Variants in ANK2 observed in about 807,000 individuals in gnomAD.
The protein encoded by ANK2 is ankyrin 2, also known as ankyrin-2.
Under a neutral mutation model 360.5 loss-of-function variants are expected in ANK2, and 83 were observed. The ratio of observed to expected loss-of-function variants is 0.23; its 90% CI spans 0.19 to 0.28. The LOEUF (loss-of-function observed/expected upper bound fraction) is 0.28, where lower values mean the gene tolerates loss of function less well. Among genes scored for constraint, ANK2 ranks in the 10% least tolerant of loss-of-function variants. The pLI, the probability that ANK2 is intolerant of heterozygous loss-of-function variation, is 1.00. For missense variants in ANK2, 4,201 were observed against 4,795.7 expected (o/e 0.88, Z 3.66); for synonymous variants, 1,740 against 1,759.5 (o/e 0.99, Z 0.28).
chr4:113,237,680 A>G (rs2099394253), intron 7 of ANK2, 58 bp downstream of exon 7: 5 of 1,411,644 alleles, frequency 3.5e-6, no homozygotes, highest in Admixed American at 3.3e-5. Flanking sequence ...TTTTTGCCCA[A>G]TTGGAATAAA....
At chr4:112,792,072 G>A in the ANK2 span, among the ~76,000 whole-genome samples, 2 of 76,362 alleles carry the variant, frequency 2.6e-5, no homozygotes, top group Non-Finnish European at 4.7e-5. Flanking sequence ...ACGGAGTTTT[G>A]CTCTTGTTGC....
rs189580932 is a variant in ANK2 at position 113,041,538 on chromosome 4, G to A, written c.22-132878G>A. ...AAACTTCAGAGGAAGTGTGTTACATGGTTGCAAAATCTGCCCTTTTTAGCC... is the reference window on the plus strand; with the variant it reads ...AAACTTCAGAGGAAGTGTGTTACATAGTTGCAAAATCTGCCCTTTTTAGCC... On this transcript the variant is annotated intron_variant, in intron 2 of 30. Coordinates refer to the ANK2 transcript ENST00000503271. Among the ~76,000 whole-genome samples, 12 of 152,158 alleles carry A rather than the reference G, an allele frequency of 7.9e-5. No individual in the cohort carries two copies. In the East Asian group the frequency reaches 2.1e-3, roughly 27 times the overall value.
chr4:112,861,420 A>T (rs1386075608), intron 1 of ANK2, among the ~76,000 whole-genome samples: 2 of 152,230 alleles, frequency 1.3e-5, no homozygotes, highest in East Asian at 3.9e-4. Context: ...CAAACTAAAA[A>T]TGCAATTGCT....
intron 2 of ANK2, among the ~76,000 whole-genome samples, chr4:112,991,236 C>CA (rs10687542): frequency 0.06 from 7,392 of 122,226 alleles, 605 homozygotes; most frequent in East Asian, 0.23. Flanking sequence ...GACAGAGCCT[C>CA]AAAAAAAAAA....
intron 3 of ANK2, 74 bp downstream of exon 3, chr4:113,196,540 ATT>A: frequency 7.5e-7 from 1 of 1,324,760 alleles, no homozygotes; most frequent in Non-Finnish European, 1.1e-6. Context: ...ATTTTTATTT[ATT>A]TTTTAGACAA....
chr4:112,993,507 C>G (rs2047542328), intron 2 of ANK2, among the ~76,000 whole-genome samples: 2 of 151,838 alleles, frequency 1.3e-5, no homozygotes, highest in Non-Finnish European at 2.9e-5. Flanking sequence ...AGGGTTTCAC[C>G]ATTGTGGCCA....
At chr4:112,797,120 C>T in the ANK2 span, 1 of 199,156 alleles carries the variant, frequency 5.0e-6, no homozygotes, top group East Asian at 1.1e-4. Flanking sequence ...TAATGTTTCT[C>T]AGCTCTTTGG....
intron 2 of ANK2, among the ~76,000 whole-genome samples, chr4:112,992,265 T>C (rs980063986): frequency 1.3e-4 from 20 of 152,100 alleles, no homozygotes; most frequent in African/African-American, 4.6e-4. Flanking sequence ...TGCCTCAGTT[T>C]CCCAAGTAGC....
At chr4:112,766,954 T>C in the ANK2 span, among the ~76,000 whole-genome samples, 1 of 152,210 alleles carries the variant, frequency 6.6e-6, no homozygotes. Flanking sequence ...ATCACAAAAG[T>C]ATCCATTCAG....
chr4:112,748,286 T>A, the ANK2 span, among the ~76,000 whole-genome samples: 10 of 152,270 alleles, frequency 6.6e-5, no homozygotes, highest in Admixed American at 6.5e-4. Context: ...TTATTGTGGG[T>A]TTTATAGAGT....
the ANK2 span, among the ~76,000 whole-genome samples, chr4:112,743,422 T>A: frequency 6.6e-6 from 1 of 152,120 alleles, no homozygotes; most frequent in African/African-American, 2.4e-5. Flanking sequence ...TTCCTTATAT[T>A]ATATTGCTTA....
In ANK2 at chr4:112,870,164, A is replaced by C. The variant is rs539474816; in HGVS notation, c.-39-34291A>C. 6.6e-5 allele frequency among the ~76,000 whole-genome samples: 10 copies of C among 151,806 alleles called. No homozygotes were observed. The East Asian group carries it at 1.9e-3, about 30-fold the overall frequency. ...CAGGTGCCCGCCACCACACCCGGCT[A>C]ATTTTTGTATTTAGAGATGGGGCTT... On this transcript the variant is annotated intron_variant, in intron 1 of 30. Coordinates refer to the ANK2 transcript ENST00000503271.
At chr4:113,084,153 G>A (rs995245122) in intron 1 of ANK2, among the ~76,000 whole-genome samples, 1 of 152,216 alleles carries the variant, frequency 6.6e-6, no homozygotes, top group African/African-American at 2.4e-5. Context: ...TGTGCAGGAT[G>A]GTGCAGGAGA....
At chr4:113,166,315 CAA>C (rs1157387200) in intron 1 of ANK2, among the ~76,000 whole-genome samples, 2 of 152,146 alleles carry the variant, frequency 1.3e-5, no homozygotes, top group East Asian at 3.9e-4. Flanking sequence ...ATCAACACAA[CAA>C]AGTTATCTTT....
At chr4:113,205,927 G>C (rs183449272) in intron 4 of ANK2, among the ~76,000 whole-genome samples, 69 of 152,192 alleles carry the variant, frequency 4.5e-4, no homozygotes, top group Non-Finnish European at 8.4e-4. Flanking sequence ...CATATGCACA[G>C]AGACACACAC....
rs1360473870 is a variant in ANK2 at position 113,335,951 on chromosome 4, A to G, written c.3485A>G (p.Asn1162Ser). The G allele has an allele frequency of 6.2e-7, 1 of 1,614,150 alleles. No homozygotes were observed. Among genetic ancestry groups the G allele is most frequent in the Admixed American group, 1.7e-5 (1 of 60,022 alleles). Residue 1162 changes from asparagine to serine, a missense_variant, in exon 30 of 46, where the codon AAT becomes AGT. By Grantham distance (46) the Asn-to-Ser change is conservative (BLOSUM62 1). Coordinates refer to ENST00000357077, the MANE Select transcript of ANK2 (RefSeq NM_001148.6). ...AVVSRIKQDS[N>S]LIGPEGGVLS... ...GTGTCTCGTATCAAACAGGACAGCA[A>G]TCTGATTGGCCCAGAAGGAGGTGTA...
At chr4:113,002,707 C>T (rs1395518640) in intron 2 of ANK2, among the ~76,000 whole-genome samples, 2 of 152,146 alleles carry the variant, frequency 1.3e-5, no homozygotes, top group Admixed American at 1.3e-4. Flanking sequence ...GCATTTTGGA[C>T]TTTCTCTGTT....
chr4:113,087,190 A>G (rs1366747657), intron 1 of ANK2, among the ~76,000 whole-genome samples: 1 of 152,224 alleles, frequency 6.6e-6, no homozygotes, highest in Admixed American at 6.5e-5. Flanking sequence ...AAGGATGAGT[A>G]CAAGGTTTCC....
Position 113,367,836 on chromosome 4 carries a change from A to G in ANK2, c.11303A>G (p.Tyr3768Cys), listed in dbSNP as rs572331812. The G allele has an allele frequency of 6.2e-7, 1 of 1,614,176 alleles. No individual in the cohort carries two copies. Among genetic ancestry groups the G allele is most frequent in the South Asian group, 1.1e-5 (1 of 91,084 alleles). ...CTGCCTGAAGAGTCATCTCTGGAAT[A>G]TCAGCAGGAATATTTGTGAGTTTCC... ...QDLPEESSLE[Y>C]QQEYFVTTPG... The change falls in exon 42 of 46, where the codon TAT becomes TGT. Residue 3768 changes from tyrosine (Y) to cysteine (C), a missense_variant. This residue lies in a region of ANK2 where 2,642 missense variants were observed against 2,714.5 expected (regional missense o/e 0.97). Coordinates refer to ENST00000357077, the MANE Select transcript of ANK2 (RefSeq NM_001148.6).
Sources: gnomAD v4.1 joint callset for allele counts (sites outside exome capture counted in the v4.1 genomes callset) on GRCh38, gnomAD v4.1.1 for gene constraint, gnomAD v4.1.1 regional missense constraint, MANE v1.5 for transcripts, NCBI Gene and HGNC (gene_info 2026-07-23, HGNC 2026-07-21) for gene names.